Variants in ST8SIA1 observed in about 807,000 individuals in gnomAD.
ST8SIA1 encodes alpha-N-acetylneuraminide alpha-2,8-sialyltransferase.
In ST8SIA1, 16 loss-of-function variants were observed where a neutral mutation model predicts 35.9. The ratio of observed to expected loss-of-function variants is 0.45; its 90% confidence interval spans 0.30 to 0.68. ST8SIA1 has a LOEUF of 0.68. Ranked by LOEUF, ST8SIA1 falls within the 30% of genes least tolerant of loss-of-function variation. The pLI is 0.09. For missense variants in ST8SIA1, 383 were observed against 453.6 expected, an observed-to-expected ratio of 0.84 and a Z score of 1.41; for synonymous variants, 170 against 169.6, an observed-to-expected ratio of 1.00 and a Z score of -0.02.
intron 4 of ST8SIA1, among the ~76,000 whole-genome samples, chr12:22,213,684 T>C (rs1865200862): frequency 6.6e-6 from 1 of 152,122 alleles, no homozygotes. Context: ...GAGGTGTAGC[T>C]AGCTTGATGC....
intron 1 of ST8SIA1, among the ~76,000 whole-genome samples, chr12:22,314,384 TAGCTTTA>T (rs1288734977): frequency 7.5e-4 from 113 of 150,056 alleles, no homozygotes; most frequent in Non-Finnish European, 1.2e-4. Flanking sequence ...ATCATGGTGA[TAGCTTTA>T]ACTTTTCAGT....
chr12:22,244,337 G>T lies in ST8SIA1; in HGVS notation c.584+4669C>A, dbSNP rs530823754. On this transcript the variant is annotated intron_variant, in intron 4 of 4. Coordinates refer to ENST00000396037, the MANE Select transcript of ST8SIA1 (RefSeq NM_003034.4). ...AAAGAACACTTCTAGCAATCCAGAG[G>T]TCCCATTATTCCACACCTGAACCAA... 1.5e-4 allele frequency among the ~76,000 whole-genome samples: 23 copies of T among 152,086 alleles called. 1 individual carries two copies. In the South Asian group the frequency reaches 4.2e-3, roughly 27 times the overall value.
intron 2 of ST8SIA1, among the ~76,000 whole-genome samples, chr12:22,264,099 T>C (rs142439695): frequency 4.3e-4 from 65 of 152,308 alleles, no homozygotes; most frequent in African/African-American, 1.5e-3. Flanking sequence ...ACACACATAA[T>C]TTAATTTCTT....
intron 4 of ST8SIA1, among the ~76,000 whole-genome samples, chr12:22,215,021 T>C (rs1346683557): frequency 2.6e-5 from 4 of 152,184 alleles, no homozygotes; most frequent in Non-Finnish European, 5.9e-5. Context: ...ATAGCCCTCC[T>C]GTCCTGTGAA....
At chr12:22,235,099 A>T (rs559182038) in intron 4 of ST8SIA1, among the ~76,000 whole-genome samples, 1 of 152,284 alleles carries the variant, frequency 6.6e-6, no homozygotes, top group East Asian at 1.9e-4. Context: ...AGATTCAGAT[A>T]TGAAAGCTAC....
intron 4 of ST8SIA1, among the ~76,000 whole-genome samples, chr12:22,208,577 G>A (rs1254674988): frequency 2.0e-5 from 3 of 152,038 alleles, no homozygotes; most frequent in East Asian, 1.9e-4. Context: ...AGGTTCAAAT[G>A]CAATCTCAAC....
chr12:22,264,656 A>G (rs570630663), intron 2 of ST8SIA1, among the ~76,000 whole-genome samples: 1 of 151,084 alleles, frequency 6.6e-6, no homozygotes, highest in African/African-American at 2.5e-5. Context: ...CATTATAGGT[A>G]CTTAATTATT....
At chr12:22,284,387 G>A (rs969228095) in intron 2 of ST8SIA1, among the ~76,000 whole-genome samples, 5 of 152,090 alleles carry the variant, frequency 3.3e-5, no homozygotes, top group Admixed American at 3.3e-4. Context: ...TACCTCACCT[G>A]CACACGCTAT....
chr12:22,307,126 T>G (rs892099533), intron 1 of ST8SIA1, among the ~76,000 whole-genome samples: 2 of 152,136 alleles, frequency 1.3e-5, no homozygotes, highest in Non-Finnish European at 2.9e-5. Context: ...TCTGTTTTTT[T>G]ATGTGAGAGG....
At chr12:22,209,144 T>C (rs998959020) in intron 4 of ST8SIA1, among the ~76,000 whole-genome samples, 2 of 152,126 alleles carry the variant, frequency 1.3e-5, no homozygotes, top group African/African-American at 4.8e-5. Flanking sequence ...AACATATTTT[T>C]AAAGAGACAA....
At chr12:22,282,836 G>A (rs1866053072) in intron 2 of ST8SIA1, among the ~76,000 whole-genome samples, 1 of 151,930 alleles carries the variant, frequency 6.6e-6, no homozygotes, top group Admixed American at 6.6e-5. Flanking sequence ...ATATGTCACG[G>A]GAAATGATTA....
intron 4 of ST8SIA1, among the ~76,000 whole-genome samples, chr12:22,204,189 A>AG (rs1248893853): frequency 2.0e-5 from 3 of 151,940 alleles, no homozygotes; most frequent in Non-Finnish European, 4.4e-5. Context: ...TCAAAAAAAA[A>AG]ATCAACCTCT....
intron 4 of ST8SIA1, among the ~76,000 whole-genome samples, chr12:22,225,426 A>G (rs941355878): frequency 6.6e-6 from 1 of 152,140 alleles, no homozygotes; most frequent in African/African-American, 2.4e-5. Flanking sequence ...CTCCTATTAA[A>G]GTAAATTAAA....
At chr12:22,291,572 G>GTCCCCTTCATA (rs1208276344) in intron 1 of ST8SIA1, among the ~76,000 whole-genome samples, 11 of 152,208 alleles carry the variant, frequency 7.2e-5, no homozygotes, top group Non-Finnish European at 1.5e-4. Context: ...GATCTTGCAT[G>GTCCCCTTCATA]TCCCCTTCAT....
intron 4 of ST8SIA1, among the ~76,000 whole-genome samples, chr12:22,223,047 C>G (rs1865317291): frequency 6.6e-6 from 1 of 152,158 alleles, no homozygotes. Context: ...TTCATGTCCT[C>G]AATACTTCCT....
chr12:22,293,789 T>C (rs967522765), intron 1 of ST8SIA1, among the ~76,000 whole-genome samples: 2 of 152,212 alleles, frequency 1.3e-5, no homozygotes, highest in Non-Finnish European at 2.9e-5. Context: ...TTCTCAAACA[T>C]GTCCCTTTCT....
intron 1 of ST8SIA1, among the ~76,000 whole-genome samples, chr12:22,300,206 A>C (rs931840460): frequency 6.6e-6 from 1 of 152,140 alleles, no homozygotes; most frequent in African/African-American, 2.4e-5. Flanking sequence ...AATCTTAAAA[A>C]CTGAAAGCAA....
intron 4 of ST8SIA1, among the ~76,000 whole-genome samples, chr12:22,209,755 T>A (rs949708239): frequency 6.6e-6 from 1 of 152,244 alleles, no homozygotes; most frequent in Non-Finnish European, 1.5e-5. Context: ...TATGTTTTTT[T>A]ACAACATCTT....
At chr12:22,240,580 C>T (rs1261586225) in intron 4 of ST8SIA1, among the ~76,000 whole-genome samples, 1 of 151,472 alleles carries the variant, frequency 6.6e-6, no homozygotes, top group East Asian at 1.9e-4. Context: ...GTTTTAGGAA[C>T]ACAGTTTGAA....
Sources: allele counts gnomAD v4.1 joint callset (sites outside exome capture counted in the v4.1 genomes callset), GRCh38; gene constraint gnomAD v4.1.1; transcripts MANE v1.5; gene names NCBI Gene and HGNC (gene_info 2026-07-23, HGNC 2026-07-21).